ADAMTS2: variants seen among roughly 807,000 people sequenced by gnomAD.
The protein encoded by ADAMTS2 is A disintegrin and metalloproteinase with thrombospondin motifs 2.
Under a neutral mutation model 123.0 loss-of-function variants are expected in ADAMTS2, and 50 were observed. That is an observed-to-expected ratio of 0.41 (90% CI 0.32 to 0.51). The LOEUF (loss-of-function observed/expected upper bound fraction) is 0.51, where lower values mean the gene tolerates loss of function less well. Among genes scored for constraint, ADAMTS2 ranks in the 20% least tolerant of loss-of-function variants. ADAMTS2 has a pLI of 0.35. For synonymous variants in ADAMTS2, 678 were observed against 695.4 expected (o/e 0.98, Z 0.39); for missense variants, 1,494 against 1,705.2 (o/e 0.88, Z 2.18).
At chr5:179,283,878 A>T (rs1214281207) in intron 2 of ADAMTS2, among the ~76,000 whole-genome samples, 1 of 151,242 alleles carries the variant, frequency 6.6e-6, no homozygotes. Context: ...AGACAGAGAC[A>T]GACCCTGACT....
intron 4 of ADAMTS2, among the ~76,000 whole-genome samples, chr5:179,193,131 G>A (rs1328917230): frequency 2.0e-5 from 3 of 152,122 alleles, no homozygotes; most frequent in Non-Finnish European, 2.9e-5. Flanking sequence ...CCACTACCAG[G>A]TGGAGACAGC....
chr5:179,267,674 G>A (rs1170270383), intron 3 of ADAMTS2, among the ~76,000 whole-genome samples: 2 of 152,228 alleles, frequency 1.3e-5, no homozygotes, highest in Non-Finnish European at 2.9e-5. Flanking sequence ...GCCAATGGGG[G>A]ACCGTGTTTT....
chr5:179,244,733 G>A lies in ADAMTS2; in HGVS notation c.688+28178C>T, dbSNP rs142669066. On this transcript the variant is annotated intron_variant, in intron 3 of 21. Coordinates refer to ENST00000251582, the MANE Select transcript of ADAMTS2 (RefSeq NM_014244.5). ...ATAAATGTAATATATTTGACTAACA[G>A]CACAAAGCAGGTGAACAGAAACACA... is the stretch of plus-strand genomic sequence containing the variant. Among the ~76,000 whole-genome samples, 49 of 152,160 alleles carry A rather than the reference G, an allele frequency of 3.2e-4. No individual in the cohort carries two copies. The East Asian group carries it at 8.5e-3, about 26-fold the overall frequency.
Position 179,139,908 on chromosome 5 carries a change from C to T in ADAMTS2, c.1757G>A (p.Arg586His), listed in dbSNP as rs749842152. ...AACTCACTGTGGGTTGTCACACTGG[C>T]GGGTCCTGAACTTCACGCCCGTGCC... is the stretch of plus-strand genomic sequence containing the variant. ...TCGTGVKFRT[R>H]QCDNPHPANG... The change falls in exon 11 of 22, where the codon CGC becomes CAC. Residue 586 changes from arginine (R) to histidine (H), a missense_variant. Transcript: ENST00000251582. 2.5e-6 allele frequency: 4 copies of T among 1,611,920 alleles called. No individual in the cohort carries two copies. The highest frequency in any genetic ancestry group is 1.7e-5 in the Admixed American group (1 of 60,018).
At chr5:179,232,463 C>T (rs1765429176) in intron 3 of ADAMTS2, among the ~76,000 whole-genome samples, 1 of 152,234 alleles carries the variant, frequency 6.6e-6, no homozygotes, top group Admixed American at 6.5e-5. Flanking sequence ...CAATTTCACA[C>T]TGCTCGGAAG....
chr5:179,228,124 T>A lies in ADAMTS2; in HGVS notation c.689-20409A>T, dbSNP rs1437761162. Among the ~76,000 whole-genome samples the A allele has an allele frequency of 6.6e-6, 1 of 152,052 alleles. No individual in the cohort carries two copies. The highest frequency in any genetic ancestry group is 1.5e-5 in the Non-Finnish European group (1 of 68,000). On this transcript the variant is annotated intron_variant, in intron 3 of 21. Transcript: ENST00000251582. This position sits in a 1 kb window ranked among gnomAD's most constrained non-coding sequence, Gnocchi z 5.2. ...ACAAGGACAGACACCCATGAGACACTCAGGCAGGAGTGGTCTGGAGCACAG... is the reference window on the plus strand; with the variant it reads ...ACAAGGACAGACACCCATGAGACACACAGGCAGGAGTGGTCTGGAGCACAG...
chr5:179,243,198 C>T (rs983864197), intron 3 of ADAMTS2, among the ~76,000 whole-genome samples: 1 of 151,924 alleles, frequency 6.6e-6, no homozygotes, highest in African/African-American at 2.4e-5. Context: ...AGGATCTCTT[C>T]CAGGGGGAGA....
chr5:179,333,967 A>G (rs531339026), intron 2 of ADAMTS2, among the ~76,000 whole-genome samples: 9 of 152,286 alleles, frequency 5.9e-5, no homozygotes, highest in Admixed American at 5.9e-4. Flanking sequence ...GATAACAGAT[A>G]ACAGTGGGAC....
intron 5 of ADAMTS2, among the ~76,000 whole-genome samples, chr5:179,171,820 A>G (rs1326214453): frequency 6.6e-6 from 1 of 152,174 alleles, no homozygotes; most frequent in African/African-American, 2.4e-5. Context: ...ACATTCCAGG[A>G]GGCCAATCAT....
At chr5:179,167,675 C>A (rs984892750) in intron 5 of ADAMTS2, among the ~76,000 whole-genome samples, 3 of 152,194 alleles carry the variant, frequency 2.0e-5, no homozygotes, top group Non-Finnish European at 4.4e-5. Flanking sequence ...AAGTCCACTG[C>A]AGGTGGCAGG....
intron 10 of ADAMTS2, among the ~76,000 whole-genome samples, chr5:179,146,986 G>T (rs746666801): frequency 1.3e-5 from 2 of 152,152 alleles, no homozygotes; most frequent in East Asian, 3.9e-4. Context: ...TCTGCATCTC[G>T]CTTTCATTGC....
rs150451460 is a variant in ADAMTS2, at chr5:179,242,918, C to T, written c.688+29993G>A. On this transcript the variant is annotated intron_variant, in intron 3 of 21. Transcript: ENST00000251582. This position sits in a 1 kb window ranked among gnomAD's most constrained non-coding sequence, Gnocchi z 4.2. ...CAGCCCTAACTCAGGGCAGGAGCTC[C>T]GTCTCAGGTGCAGCAGGGCGAGAGT... 7.9e-4 allele frequency among the ~76,000 whole-genome samples: 121 copies of T among 152,282 alleles called. No individual in the cohort carries two copies. Among genetic ancestry groups the T allele is most frequent in the Admixed American group, 2.5e-3 (38 of 15,298 alleles).
At chr5:179,289,153 A>G (rs960261045) in intron 2 of ADAMTS2, among the ~76,000 whole-genome samples, 1 of 152,122 alleles carries the variant, frequency 6.6e-6, no homozygotes, top group Non-Finnish European at 1.5e-5. Context: ...CTCCCTGCTC[A>G]GAGACGGCCT....
chr5:179,182,118 G>C (rs866549831), intron 4 of ADAMTS2, among the ~76,000 whole-genome samples: 1 of 152,204 alleles, frequency 6.6e-6, no homozygotes, highest in Admixed American at 6.5e-5. Flanking sequence ...CCGCAGGCCT[G>C]AGCCGCCCCT....
chr5:179,280,841 A>T (rs1766878341), intron 2 of ADAMTS2, among the ~76,000 whole-genome samples: 1 of 152,148 alleles, frequency 6.6e-6, no homozygotes, highest in Non-Finnish European at 1.5e-5. Flanking sequence ...ATCATTTTTC[A>T]TTATAAAGTT....
chr5:179,229,808 G>A (rs191603096), intron 3 of ADAMTS2, among the ~76,000 whole-genome samples: 1 of 152,164 alleles, frequency 6.6e-6, no homozygotes, highest in Admixed American at 6.5e-5. Context: ...GTACCTTATG[G>A]GAAATCGTAA....
At chr5:179,293,275 C>T (rs981139447) in intron 2 of ADAMTS2, among the ~76,000 whole-genome samples, 2 of 152,270 alleles carry the variant, frequency 1.3e-5, no homozygotes, top group African/African-American at 4.8e-5. Context: ...CCTGTGCCTT[C>T]CTTGAGGAAA....
chr5:179,333,744 C>T (rs974280617), intron 2 of ADAMTS2, among the ~76,000 whole-genome samples: 8 of 151,856 alleles, frequency 5.3e-5, no homozygotes. Flanking sequence ...GGACTACAGG[C>T]GTGTGCCACC....
chr5:179,344,634 C>T (rs1459615935), intron 1 of ADAMTS2, among the ~76,000 whole-genome samples: 1 of 152,360 alleles, frequency 6.6e-6, no homozygotes, highest in African/African-American at 2.4e-5. Context: ...TCCGGAGCGG[C>T]GGAGTCTCGG....
Sources: gnomAD v4.1 joint callset for allele counts (sites outside exome capture counted in the v4.1 genomes callset) on GRCh38, gnomAD v4.1.1 for gene constraint, Gnocchi (gnomAD v3.1) non-coding constraint, MANE v1.5 for transcripts, NCBI Gene and HGNC (gene_info 2026-07-23, HGNC 2026-07-21) for gene names.